Variants in MYLK4 observed in about 807,000 individuals in gnomAD.
MYLK4 encodes caMLCK like.
A neutral mutation model predicts 48.1 loss-of-function variants in MYLK4; 46 were observed. The observed-to-expected ratio is 0.96, with a 90% CI of 0.75 to 1.22. The LOEUF (loss-of-function observed/expected upper bound fraction) is 1.22. Ranked by LOEUF, MYLK4 falls within the 50% of genes most tolerant of loss-of-function variation. MYLK4 has a pLI of 0.00. For missense variants in MYLK4, 451 were observed against 486.1 expected, an observed-to-expected ratio of 0.93 and a Z score of 0.68; for synonymous variants, 170 against 180.8, an observed-to-expected ratio of 0.94 and a Z score of 0.48.
intron 3 of MYLK4, among the ~76,000 whole-genome samples, chr6:2,690,823 C>CT (rs35133716): frequency 0.028 from 2,483 of 88,816 alleles, 125 homozygotes; most frequent in Middle Eastern, 0.042. Context: ...CTCTCTGAAT[C>CT]TTTTTTTTTT....
the MYLK4 span, chr6:2,766,257 C>A: frequency 1.3e-6 from 2 of 1,525,756 alleles, no homozygotes; most frequent in Non-Finnish European, 1.8e-6. Flanking sequence ...CACCCCCGGG[C>A]GCTGGCTGCC....
chr6:2,765,880 G>A, the MYLK4 span: 1 of 1,449,336 alleles, frequency 6.9e-7, no homozygotes, highest in Non-Finnish European at 9.1e-7. Flanking sequence ...CAGCCACCCC[G>A]ACGGCAGCCG....
chr6:2,736,973 C>T (rs4959719), intron 2 of MYLK4, among the ~76,000 whole-genome samples: 125,251 of 151,894 alleles, frequency 0.82, 51,662 homozygotes, highest in East Asian at 0.94. Context: ...GAGTTGCGTT[C>T]CTCCAATAAA....
intron 12 of MYLK4, among the ~76,000 whole-genome samples, chr6:2,670,936 G>A (rs902181723): frequency 6.6e-6 from 1 of 151,904 alleles, no homozygotes; most frequent in Non-Finnish European, 1.5e-5. Context: ...TTGTCGTAAG[G>A]ACTACCCCTA....
At chr6:2,682,213 G>A (rs1322097983) in intron 7 of MYLK4, among the ~76,000 whole-genome samples, 1 of 152,178 alleles carries the variant, frequency 6.6e-6, no homozygotes, top group Non-Finnish European at 1.5e-5. Flanking sequence ...TTACTGTCAC[G>A]CTGTGCAAAC....
At chr6:2,689,867 A>C (rs755650885) in intron 3 of MYLK4, among the ~76,000 whole-genome samples, 6 of 152,234 alleles carry the variant, frequency 3.9e-5, no homozygotes, top group Admixed American at 1.3e-4. Context: ...GCCAAGTGTT[A>C]ATATTTTTAA....
intron 2 of MYLK4, among the ~76,000 whole-genome samples, chr6:2,723,060 G>T (rs529918125): frequency 6.6e-6 from 1 of 152,136 alleles, no homozygotes; most frequent in Non-Finnish European, 1.5e-5. Flanking sequence ...GGGAGGCTGA[G>T]GGGGGAGGAT....
chr6:2,755,814 T>C (rs548000069), upstream of MYLK4, among the ~76,000 whole-genome samples: 1 of 152,338 alleles, frequency 6.6e-6, no homozygotes, highest in African/African-American at 2.4e-5. Flanking sequence ...TCATAAAATG[T>C]CTCTCAATTC....
At chr6:2,769,697 ATGAT>A in the MYLK4 span, among the ~76,000 whole-genome samples, 34 of 152,312 alleles carry the variant, frequency 2.2e-4, no homozygotes, top group African/African-American at 7.7e-4. Context: ...TAATAATAAT[ATGAT>A]TGAGTGCTTG....
chr6:2,715,167 G>A (rs1374893647), intron 2 of MYLK4, among the ~76,000 whole-genome samples: 2 of 151,956 alleles, frequency 1.3e-5, no homozygotes, highest in East Asian at 3.9e-4. Context: ...AGGAAGCTGA[G>A]GAGAATCACT....
chr6:2,734,766 A>G (rs768955842), intron 2 of MYLK4, among the ~76,000 whole-genome samples: 4 of 152,176 alleles, frequency 2.6e-5, no homozygotes, highest in African/African-American at 9.7e-5. Flanking sequence ...TTCTTTCAGC[A>G]GTTTTTTGAA....
At chr6:2,701,340 G>A (rs11755437) in intron 2 of MYLK4, among the ~76,000 whole-genome samples, 31,346 of 151,966 alleles carry the variant, frequency 0.21, 3,320 homozygotes, top group East Asian at 0.27. Context: ...GCCTCCCCGA[G>A]CCCCACTGCC....
At position 2,726,274 on chromosome 6, in the gene MYLK4, A is replaced by G. The variant is rs532980425; in HGVS notation, c.159+22862T>C. On this transcript the variant is annotated intron_variant, in intron 2 of 12. Transcript: ENST00000274643. The stretch of plus-strand genomic sequence containing the variant: ...GGAAAATGTTTTGGGTTATAGACCA[A>G]TGTAATAAAAAGCAGAAAGATGTAG... Among the ~76,000 whole-genome samples, 46 of 152,352 alleles carry G rather than the reference A, an allele frequency of 3.0e-4. 1 individual carries two copies. The highest frequency in any genetic ancestry group is 1.3e-3 in the Admixed American group (20 of 15,300).
At chr6:2,731,738 T>C (rs953781552) in intron 2 of MYLK4, among the ~76,000 whole-genome samples, 2 of 152,166 alleles carry the variant, frequency 1.3e-5, no homozygotes, top group Non-Finnish European at 2.9e-5. Flanking sequence ...CACCCACCCG[T>C]TGGGTGCTTA....
At chr6:2,736,974 C>G (rs4959720) in intron 2 of MYLK4, among the ~76,000 whole-genome samples, 121,130 of 151,878 alleles carry the variant, frequency 0.8, 48,565 homozygotes, top group East Asian at 0.94. Context: ...AGTTGCGTTC[C>G]TCCAATAAAA....
rs560509123 is a variant in MYLK4, at chr6:2,717,260, G to A, written c.160-24401C>T. On this transcript the variant is annotated intron_variant, in intron 2 of 12. Coordinates refer to ENST00000274643, the MANE Select transcript of MYLK4 (RefSeq NM_001012418.5). ...TTCCTATGCCATTTCAGACTCACTT[G>A]TTAAATTTCCTTTTTACGGTCTTCT... 2.6e-5 allele frequency among the ~76,000 whole-genome samples: 4 copies of A among 152,350 alleles called. No individual in the cohort carries two copies. In the South Asian group the frequency reaches 6.2e-4, roughly 24 times the overall value.
the MYLK4 span, among the ~76,000 whole-genome samples, chr6:2,758,416 T>G: frequency 7.3e-5 from 11 of 151,520 alleles, no homozygotes; most frequent in Non-Finnish European, 1.5e-4. Context: ...GTTATAAGTA[T>G]ACATGACATA....
At chr6:2,712,200 A>C (rs991665146) in intron 2 of MYLK4, among the ~76,000 whole-genome samples, 3 of 152,222 alleles carry the variant, frequency 2.0e-5, no homozygotes, top group African/African-American at 7.2e-5. Flanking sequence ...GCTCATGTTC[A>C]GCAGAGGCCA....
chr6:2,674,274 A>G (rs1397758408), intron 11 of MYLK4, among the ~76,000 whole-genome samples: 2 of 152,198 alleles, frequency 1.3e-5, no homozygotes, highest in Admixed American at 6.5e-5. Flanking sequence ...ATAGACTTGT[A>G]TAGATACCCG....
Sources: gnomAD v4.1 joint callset for allele counts (sites outside exome capture counted in the v4.1 genomes callset) on GRCh38, gnomAD v4.1.1 for gene constraint, MANE v1.5 for transcripts, NCBI Gene and HGNC (gene_info 2026-07-23, HGNC 2026-07-21) for gene names.